GRIP2: variants seen among roughly 807,000 people sequenced by gnomAD.
GRIP2 encodes the protein glutamate receptor interacting protein 2.
In GRIP2, 58 loss-of-function variants were observed where a neutral mutation model predicts 108.3. The ratio of observed to expected loss-of-function variants is 0.54; its 90% confidence interval spans 0.43 to 0.67. The LOEUF (loss-of-function observed/expected upper bound fraction) is 0.67, where lower values mean the gene tolerates loss of function less well. Ranked by LOEUF, GRIP2 falls within the 30% of genes least tolerant of loss-of-function variation. The pLI, the probability that GRIP2 is intolerant of heterozygous loss-of-function variation, is 0.00. For missense variants in GRIP2, 1,278 were observed against 1,430.6 expected (o/e 0.89, Z 1.72); for synonymous variants, 586 against 598.2 (o/e 0.98, Z 0.30).
the GRIP2 span, among the ~76,000 whole-genome samples, chr3:14,569,737 C>T: frequency 3.3e-5 from 5 of 152,166 alleles, no homozygotes; most frequent in African/African-American, 1.2e-4. Context: ...AGCCTCTGCG[C>T]TACACCCTTT....
Position 14,493,630 on chromosome 3 carries a change from G to A in GRIP2, c.*35C>T. ...GTGTCTGGGAGCCAGGATCTGCCTG[G>A]GTGGCCCCTTAGGAGTTCGGCCCAC... On this transcript the variant is annotated 3_prime_UTR_variant, in exon 24 of 24. Coordinates refer to ENST00000621039, the MANE Select transcript of GRIP2 (RefSeq NM_001080423.4). 6.5e-7 allele frequency: 1 copy of A among 1,535,932 alleles called. No individual in the cohort carries two copies. Among genetic ancestry groups the A allele is most frequent in the South Asian group, 1.2e-5 (1 of 83,328 alleles).
Position 14,520,120 on chromosome 3 carries a change from G to A in GRIP2, c.1020C>T (p.Pro340=). The A allele has an allele frequency of 6.2e-7, 1 of 1,600,596 alleles. No individual in the cohort carries two copies. The highest frequency in any genetic ancestry group is 8.5e-7 in the Non-Finnish European group (1 of 1,174,832). The change falls in exon 9 of 24, where the codon CCC becomes CCT. Residue 340 remains proline, a synonymous_variant. Transcript: ENST00000621039. Reference sequence around the variant, plus strand: ...ACTGAGGGGACCCACCTGCCTCTGAGGGCCTCAGTGGCCGCTGACTCTGGG... The same window carrying A: ...ACTGAGGGGACCCACCTGCCTCTGAAGGCCTCAGTGGCCGCTGACTCTGGG... The part of the protein sequence containing the change: ...PVPQSQRPLR[P]SEAVKVQRSE...
chr3:14,507,072 G>A lies in GRIP2; in HGVS notation c.2219-92C>T. The A allele has an allele frequency of 8.1e-7, 1 of 1,227,398 alleles. No individual in the cohort carries two copies. Among genetic ancestry groups the A allele is most frequent in the Non-Finnish European group, 1.1e-6 (1 of 877,660 alleles). The allele number at this position is 1,227,398 out of a possible 1,614,324, so 76.0% of individuals were successfully genotyped here. On this transcript the variant is annotated intron_variant, in intron 18 of 23. Coordinates refer to ENST00000621039, the MANE Select transcript of GRIP2 (RefSeq NM_001080423.4). This position sits in a 1 kb window ranked among gnomAD's most constrained non-coding sequence, Gnocchi z 4.6. The stretch of plus-strand genomic sequence containing the variant: ...TTCAGCCTGGTCTGGAAACTCACAG[G>A]CAGTAAGCCCTTCTGAGCTGACATA...
intron 12 of GRIP2, 37 bp from the exon 13 acceptor site, chr3:14,513,847 G>A (rs772619670): frequency 2.1e-5 from 33 of 1,604,872 alleles, no homozygotes; most frequent in Middle Eastern, 1.9e-4. Flanking sequence ...AAGAGGCTCC[G>A]TGACAGGTCC....
At chr3:14,597,149 G>C in the GRIP2 span, among the ~76,000 whole-genome samples, 3 of 152,274 alleles carry the variant, frequency 2.0e-5, no homozygotes, top group East Asian at 5.8e-4. Flanking sequence ...TCATCTTTTG[G>C]GTGAAGGCAT....
In GRIP2 at chr3:14,520,128, G is replaced by A; in HGVS notation, c.1012C>T (p.Leu338=). The change falls in exon 9 of 24, where the codon CTG becomes TTG. Residue 338 remains leucine, a synonymous_variant. Transcript: ENST00000621039. ...ILPVPQSQRP[L]RPSEAVKVQR... is the part of the protein sequence containing the mutation. ...GACCCACCTGCCTCTGAGGGCCTCA[G>A]TGGCCGCTGACTCTGGGGCACAGGC... 1 of 1,604,612 alleles carries A rather than the reference G, an allele frequency of 6.2e-7. No individual in the cohort carries two copies. Among genetic ancestry groups the A allele is most frequent in the Non-Finnish European group, 8.5e-7 (1 of 1,176,612 alleles).
Position 14,507,560 on chromosome 3 carries a change from C to A in GRIP2, c.2218+1G>T. 6.2e-7 allele frequency: 1 copy of A among 1,612,188 alleles called. No individual in the cohort carries two copies. Among genetic ancestry groups the A allele is most frequent in the Non-Finnish European group, 8.5e-7 (1 of 1,178,302 alleles). On this transcript the variant is annotated splice_donor_variant, in intron 18 of 23. Coordinates refer to ENST00000621039, the MANE Select transcript of GRIP2 (RefSeq NM_001080423.4). LOFTEE classifies it high-confidence loss of function. The surrounding 1 kb of genome is among the most constrained non-coding windows in gnomAD (Gnocchi z 4.6). ...CTCCCAGGGGATGAAGCGAATCTCACGGTCTAGTTGCTTCTTGATCTTCAG... is the reference window on the plus strand; with the variant it reads ...CTCCCAGGGGATGAAGCGAATCTCAAGGTCTAGTTGCTTCTTGATCTTCAG...
the GRIP2 span, among the ~76,000 whole-genome samples, chr3:14,597,441 T>G: frequency 1.3e-5 from 2 of 152,218 alleles, no homozygotes; most frequent in African/African-American, 4.8e-5. Flanking sequence ...AATTCTCGTT[T>G]CCTTCCTCAC....
chr3:14,586,575 G>C, the GRIP2 span, among the ~76,000 whole-genome samples: 5 of 152,302 alleles, frequency 3.3e-5, no homozygotes, highest in Non-Finnish European at 5.9e-5. Flanking sequence ...AGGAAGTGGG[G>C]AGGCCTCATG....
chr3:14,503,712 G>C, intron 20 of GRIP2, 41 bp from the exon 21 acceptor site: 1 of 1,250,668 alleles, frequency 8.0e-7, no homozygotes, highest in Non-Finnish European at 1.1e-6. Flanking sequence ...CCTGGCAGGC[G>C]GGTGGGCGGG....
chr3:14,586,853 C>T, the GRIP2 span, among the ~76,000 whole-genome samples: 1 of 152,196 alleles, frequency 6.6e-6, no homozygotes, highest in South Asian at 2.1e-4. Flanking sequence ...ATGATGCATT[C>T]TGCCACTCAA....
intron 1 of GRIP2, among the ~76,000 whole-genome samples, chr3:14,554,756 A>T (rs9870635): frequency 0.86 from 130,139 of 151,976 alleles, 55,972 homozygotes; most frequent in African/African-American, 0.93. Context: ...AGCCTCAGTG[A>T]GTCAGCTGTT....
chr3:14,530,346 C>A (rs1399704682), intron 1 of GRIP2, among the ~76,000 whole-genome samples: 2 of 152,200 alleles, frequency 1.3e-5, no homozygotes, highest in East Asian at 1.9e-4. Flanking sequence ...CCTGCTGCCA[C>A]CCCAGTAGAG....
intron 21 of GRIP2, 35 bp from the exon 22 acceptor site, chr3:14,496,595 T>C (rs2124834594): frequency 6.3e-7 from 1 of 1,579,134 alleles, no homozygotes; most frequent in Non-Finnish European, 8.6e-7. Flanking sequence ...CAGATGCTTG[T>C]TGGCTTGCCC....
chr3:14,508,528 A>G (rs1456226897), intron 17 of GRIP2, among the ~76,000 whole-genome samples: 1 of 152,140 alleles, frequency 6.6e-6, no homozygotes, highest in Non-Finnish European at 1.5e-5. Context: ...GTCACCCCAT[A>G]TGGGAGCTCC....
At position 14,507,883 on chromosome 3, in the gene GRIP2, T is replaced by A. The variant is rs562739215; in HGVS notation, c.2079-183A>T. On this transcript the variant is annotated intron_variant, in intron 17 of 23. Coordinates refer to ENST00000621039, the MANE Select transcript of GRIP2 (RefSeq NM_001080423.4). The surrounding 1 kb of genome is among the most constrained non-coding windows in gnomAD (Gnocchi z 4.6). ...ATCTTGGATCACATTAATAGAGACA[T>A]AAAGTCTAGAACCTGGGAGGGGATT... Among the ~76,000 whole-genome samples, 2 of 152,220 alleles carry A rather than the reference T, an allele frequency of 1.3e-5. No homozygotes were observed. Among genetic ancestry groups the A allele is most frequent in the East Asian group, 3.9e-4 (2 of 5,182 alleles).
chr3:14,599,746 T>G, the GRIP2 span, among the ~76,000 whole-genome samples: 28 of 150,040 alleles, frequency 1.9e-4, no homozygotes, highest in Non-Finnish European at 3.1e-4. Context: ...CCAGCTGGTC[T>G]CTGCACAATC....
chr3:14,511,472 G>A lies in GRIP2; in HGVS notation c.1728C>T (p.Ser576=). 2.5e-6 allele frequency: 4 copies of A among 1,613,376 alleles called. No homozygotes were observed. The highest frequency in any genetic ancestry group is 3.4e-6 in the Non-Finnish European group (4 of 1,179,880). The change falls in exon 15 of 24, where the codon AGC becomes AGT. Residue 576 remains serine, a synonymous_variant. Transcript: ENST00000621039. The surrounding 1 kb of genome is among the most constrained non-coding windows in gnomAD (Gnocchi z 4.1). ...TGATCAAGGGCTCCCCTCGTTTCCT[G>A]CTGGCCGCTGGAGAAAAAGAGGCCA... is the stretch of plus-strand genomic sequence containing the variant. The part of the protein sequence containing the change: ...VELGITISSA[S]RKRGEPLIIS...
chr3:14,509,493 C>T (rs941078353), intron 17 of GRIP2, among the ~76,000 whole-genome samples: 9 of 152,330 alleles, frequency 5.9e-5, no homozygotes, highest in African/African-American at 2.2e-4. Flanking sequence ...CATCCTATTC[C>T]GCACACAGCA....
Sources: gnomAD v4.1 joint callset for allele counts (sites outside exome capture counted in the v4.1 genomes callset) on GRCh38, gnomAD v4.1.1 for gene constraint, Gnocchi (gnomAD v3.1) non-coding constraint, MANE v1.5 for transcripts, NCBI Gene and HGNC (gene_info 2026-07-23, HGNC 2026-07-21) for gene names.